Variants in STK40 observed in about 807,000 individuals in gnomAD.
The protein encoded by STK40 is serine/threonine-protein kinase 40.
STK40 carries 13 observed loss-of-function variants against 47.9 expected under a neutral mutation model. That is an observed-to-expected ratio of 0.27 (90% CI 0.18 to 0.43). The LOEUF (loss-of-function observed/expected upper bound fraction) is 0.43. Among genes scored for constraint, STK40 ranks in the 20% least tolerant of loss-of-function variants. The probability of loss-of-function intolerance (pLI) is 1.00; values close to 1 mark genes in which losing one functional copy is unlikely to be tolerated. For missense variants in STK40, 460 were observed against 595.1 expected (o/e 0.77, Z 2.36); for synonymous variants, 225 against 243.2 (o/e 0.93, Z 0.69).
At chr1:36,350,015 C>T (rs774470448) in intron 6 of STK40, among the ~76,000 whole-genome samples, 29 of 152,236 alleles carry the variant, frequency 1.9e-4, no homozygotes, top group Non-Finnish European at 2.9e-4. Context: ...CGGATTTCCC[C>T]GGGAGCCGCA....
intron 1 of STK40, among the ~76,000 whole-genome samples, chr1:36,368,539 A>G (rs1646919941): frequency 6.6e-6 from 1 of 152,206 alleles, no homozygotes; most frequent in African/African-American, 2.4e-5. Context: ...GGCGTGAGCC[A>G]CCACCCCCAA....
chr1:36,348,261 C>T (rs1019959202), intron 7 of STK40, among the ~76,000 whole-genome samples: 13 of 152,262 alleles, frequency 8.5e-5, no homozygotes, highest in African/African-American at 2.9e-4. Context: ...CTGGCCCCTG[C>T]GCACCTCTCT....
At chr1:36,378,220 T>C (rs2124752586) in intron 1 of STK40, among the ~76,000 whole-genome samples, 1 of 152,292 alleles carries the variant, frequency 6.6e-6, no homozygotes, top group Non-Finnish European at 1.5e-5. Flanking sequence ...CAAGATTCTA[T>C]GTGGGCTGGA....
At chr1:36,365,591 A>C (rs1191488941) in intron 1 of STK40, among the ~76,000 whole-genome samples, 1 of 152,238 alleles carries the variant, frequency 6.6e-6, no homozygotes, top group African/African-American at 2.4e-5. Context: ...GAGAAGGGTA[A>C]AACTGCTTCT....
At chr1:36,357,640 G>A (rs899215047) in intron 4 of STK40, among the ~76,000 whole-genome samples, 8 of 152,144 alleles carry the variant, frequency 5.3e-5, no homozygotes, top group South Asian at 2.1e-4. Context: ...CTTTTGAGAT[G>A]GAGTCTCGCT....
chr1:36,356,213 T>C (rs1646802506), intron 4 of STK40, among the ~76,000 whole-genome samples: 1 of 152,202 alleles, frequency 6.6e-6, no homozygotes, highest in Non-Finnish European at 1.5e-5. Flanking sequence ...AAGTGGGTAC[T>C]GCCACCAATG....
chr1:36,373,567 T>C (rs980292528), intron 1 of STK40, among the ~76,000 whole-genome samples: 3 of 152,078 alleles, frequency 2.0e-5, no homozygotes, highest in Admixed American at 6.6e-5. Context: ...TAGGAACCCA[T>C]TGGAAGCCAT....
chr1:36,358,673 G>T (rs1263899738), intron 3 of STK40, 64 bp downstream of exon 3: 1 of 1,538,300 alleles, frequency 6.5e-7, no homozygotes, highest in Admixed American at 1.7e-5. Flanking sequence ...GGTGGAGGAG[G>T]GAGGAGTGGG....
intron 8 of STK40, 63 bp downstream of exon 8, chr1:36,344,057 G>A (rs1356206670): frequency 7.4e-5 from 117 of 1,588,682 alleles, no homozygotes; most frequent in South Asian, 1.4e-4. Flanking sequence ...TCACTGTGCC[G>A]TTTCCCTGCC....
intron 7 of STK40, among the ~76,000 whole-genome samples, chr1:36,345,991 A>ATATATATATATATATTTT: frequency 1.1e-4 from 3 of 26,468 alleles, no homozygotes; most frequent in African/African-American, 4.2e-4. Flanking sequence ...ATATATATAT[A>ATATATATATATATATTTT]TTTTTTTTTT....
intron 2 of STK40, among the ~76,000 whole-genome samples, chr1:36,360,636 A>G (rs1323468703): frequency 1.3e-5 from 2 of 152,018 alleles, no homozygotes; most frequent in African/African-American, 4.8e-5. Flanking sequence ...CCTGGGCTCA[A>G]GTAATCCTCC....
intron 1 of STK40, among the ~76,000 whole-genome samples, chr1:36,362,279 A>C (rs1164135890): frequency 3.3e-5 from 5 of 152,072 alleles, no homozygotes; most frequent in African/African-American, 1.2e-4. Context: ...TCCGGGGGGG[A>C]CAAGGAAACA....
intron 1 of STK40, among the ~76,000 whole-genome samples, chr1:36,373,646 C>CG (rs1318571581): frequency 2.0e-5 from 3 of 152,184 alleles, no homozygotes; most frequent in Admixed American, 6.5e-5. Context: ...AGTAATCCCT[C>CG]GATTTCAGCC....
chr1:36,348,391 C>G (rs936635723), intron 7 of STK40, among the ~76,000 whole-genome samples: 2 of 152,216 alleles, frequency 1.3e-5, no homozygotes, highest in Admixed American at 1.3e-4. Flanking sequence ...TCCTAGTTTC[C>G]CTTAAGATCA....
chr1:36,344,999 T>G (rs1012376715), intron 7 of STK40, among the ~76,000 whole-genome samples: 5 of 152,258 alleles, frequency 3.3e-5, no homozygotes, highest in Non-Finnish European at 5.9e-5. Context: ...GCCACATGGC[T>G]GCTCAGTGGG....
chr1:36,377,785 TA>T (rs1343515543), intron 1 of STK40, among the ~76,000 whole-genome samples: 1 of 152,066 alleles, frequency 6.6e-6, no homozygotes, highest in Non-Finnish European at 1.5e-5. Context: ...CTGGCATCCA[TA>T]AGGGCTGAAA....
rs1048920308 is a variant in STK40 at position 36,342,068 on chromosome 1, C to T, written c.1090-95G>A. ...GCAGGCAAGAGTGCTGGCAGCCTGG[C>T]TCCTGCAGTCACCCTTCCAGGCACC... On this transcript the variant is annotated intron_variant, in intron 10 of 10. Coordinates refer to ENST00000373132, the MANE Select transcript of STK40 (RefSeq NM_001282547.2). 8.5e-6 allele frequency: 10 copies of T among 1,181,594 alleles called. No individual in the cohort carries two copies. In the African/African-American group the frequency reaches 1.5e-4, roughly 18 times the overall value. The allele number at this position is 1,181,594 out of a possible 1,614,324, so 73.2% of individuals were successfully genotyped here.
chr1:36,354,217 C>T lies in STK40; in HGVS notation c.623+147G>A. ...GCAAGCCCCCAATTCCCATGTTCAT[C>T]CCATCCCGAGCCCTGGGATTCCTGG... On this transcript the variant is annotated intron_variant, in intron 6 of 10. Coordinates refer to ENST00000373132, the MANE Select transcript of STK40 (RefSeq NM_001282547.2). 2.5e-6 allele frequency: 2 copies of T among 793,282 alleles called. 1 individual carries two copies. Among genetic ancestry groups the T allele is most frequent in the South Asian group, 3.2e-5 (2 of 62,224 alleles). The allele number at this position is 793,282 out of a possible 1,614,324, so 49.1% of individuals were successfully genotyped here.
chr1:36,359,412 A>G (rs937850032), intron 2 of STK40, among the ~76,000 whole-genome samples: 6 of 152,140 alleles, frequency 3.9e-5, no homozygotes, highest in Non-Finnish European at 8.8e-5. Context: ...CCTCAAAAAA[A>G]TCAACAAAAC....
Sources: gnomAD v4.1 joint callset for allele counts (sites outside exome capture counted in the v4.1 genomes callset) on GRCh38, gnomAD v4.1.1 for gene constraint, MANE v1.5 for transcripts, NCBI Gene and HGNC (gene_info 2026-07-23, HGNC 2026-07-21) for gene names.